TXLNB: variants seen among roughly 807,000 people sequenced by gnomAD.
The protein encoded by TXLNB is taxilin beta.
Under a neutral mutation model 57.4 loss-of-function variants are expected in TXLNB, and 37 were observed. The observed-to-expected ratio is 0.64, with a 90% CI of 0.50 to 0.85. TXLNB has a LOEUF of 0.85. Among genes scored for constraint, TXLNB ranks in the 40% least tolerant of loss-of-function variants. The probability of loss-of-function intolerance (pLI) is 0.00; values close to 1 mark genes in which losing one functional copy is unlikely to be tolerated. For missense variants in TXLNB, 848 were observed against 825.6 expected, an observed-to-expected ratio of 1.03 and a Z score of -0.33; for synonymous variants, 302 against 309.6, an observed-to-expected ratio of 0.98 and a Z score of 0.26.
the TXLNB span, among the ~76,000 whole-genome samples, chr6:139,317,402 T>G: frequency 3.1e-5 from 4 of 131,138 alleles, no homozygotes; most frequent in East Asian, 2.0e-4. Context: ...AGACAGAGGT[T>G]TTTTTTTTTT....
At chr6:139,227,361 A>C in the TXLNB span, among the ~76,000 whole-genome samples, 4,239 of 152,122 alleles carry the variant, frequency 0.028, 159 homozygotes, top group African/African-American at 0.087. Flanking sequence ...AACAAACAAA[A>C]AAAAAAACGA....
the TXLNB span, among the ~76,000 whole-genome samples, chr6:139,201,507 A>G: frequency 6.6e-6 from 1 of 152,142 alleles, no homozygotes; most frequent in Non-Finnish European, 1.5e-5. Flanking sequence ...TTCCTGCTCA[A>G]GCTACCTTAC....
At chr6:139,316,511 C>T in the TXLNB span, among the ~76,000 whole-genome samples, 1 of 152,064 alleles carries the variant, frequency 6.6e-6, no homozygotes, top group African/African-American at 2.4e-5. Context: ...TATAAATTCC[C>T]ACTTGCCCAG....
intron 1 of TXLNB, among the ~76,000 whole-genome samples, chr6:139,291,207 G>A (rs556091538): frequency 4.6e-5 from 7 of 152,258 alleles, no homozygotes; most frequent in Middle Eastern, 3.4e-3. Context: ...GAGTCATGCC[G>A]TTTAGCACTT....
chr6:139,261,616 C>T (rs1406908870), intron 5 of TXLNB, among the ~76,000 whole-genome samples: 1 of 151,954 alleles, frequency 6.6e-6, no homozygotes, highest in East Asian at 1.9e-4. Context: ...CCTTGATCAT[C>T]CCCCTAATAT....
chr6:139,163,851 C>T, the TXLNB span, among the ~76,000 whole-genome samples: 1 of 152,110 alleles, frequency 6.6e-6, no homozygotes, highest in African/African-American at 2.4e-5. Flanking sequence ...GGGATTTGAC[C>T]TTCATCTGTG....
At chr6:139,237,976 T>G (rs1159635416), downstream of TXLNB, among the ~76,000 whole-genome samples, 1 of 152,216 alleles carries the variant, frequency 6.6e-6, no homozygotes, top group Non-Finnish European at 1.5e-5. Flanking sequence ...GTGCCATAGA[T>G]CAATGAATTT....
At position 139,242,667 on chromosome 6, in the gene TXLNB, T is replaced by TTCTGCTGCGCATGCTGGAGCAGGCACA; in HGVS notation, c.1887_1913dup (p.Asp629_Ala637dup). ...CAGGCACCATGGCTGCAACGTGCTC[T>TTCTGCTGCGCATGCTGGAGCAGGCACA]TCTGCTGCGCATGCTGGAGCAGGCA... On this transcript the variant is annotated inframe_insertion, in exon 10 of 10. Transcript: ENST00000358430. 3.1e-6 allele frequency: 5 copies of TTCTGCTGCGCATGCTGGAGCAGGCACA among 1,611,230 alleles called. No homozygotes were observed. The South Asian group carries it at 5.5e-5, about 18-fold the overall frequency.
At chr6:139,231,251 T>C in the TXLNB span, among the ~76,000 whole-genome samples, 1 of 152,142 alleles carries the variant, frequency 6.6e-6, no homozygotes. Context: ...GAGTTTTCCT[T>C]CTTGTTTTTT....
At chr6:139,207,943 G>T in the TXLNB span, among the ~76,000 whole-genome samples, 2 of 152,130 alleles carry the variant, frequency 1.3e-5, no homozygotes, top group Non-Finnish European at 2.9e-5. Flanking sequence ...GGGCATGGTG[G>T]TGCGCACCTA....
At chr6:139,278,990 G>A (rs9495409) in intron 2 of TXLNB, among the ~76,000 whole-genome samples, 30,676 of 151,958 alleles carry the variant, frequency 0.2, 3,681 homozygotes, top group African/African-American at 0.33. Flanking sequence ...AAAAACAAAC[G>A]AACAAATAAA....
At chr6:139,267,604 T>C (rs1776646480) in intron 4 of TXLNB, among the ~76,000 whole-genome samples, 8 of 152,060 alleles carry the variant, frequency 5.3e-5, no homozygotes, top group Admixed American at 5.2e-4. Flanking sequence ...TAATAAATAA[T>C]AAAATGGTAG....
At chr6:139,214,366 A>G in the TXLNB span, among the ~76,000 whole-genome samples, 1 of 152,238 alleles carries the variant, frequency 6.6e-6, no homozygotes, top group African/African-American at 2.4e-5. Flanking sequence ...AAACAGAACC[A>G]AAGACAAAAA....
At chr6:139,278,418 C>G (rs1444940303) in intron 2 of TXLNB, among the ~76,000 whole-genome samples, 1 of 152,152 alleles carries the variant, frequency 6.6e-6, no homozygotes, top group East Asian at 1.9e-4. Flanking sequence ...TAGGGTCCCT[C>G]CCAGCTCTCC....
intron 6 of TXLNB, 110 bp downstream of exon 6, chr6:139,260,208 A>G: frequency 7.7e-7 from 1 of 1,295,546 alleles, no homozygotes; most frequent in Non-Finnish European, 1.0e-6. Flanking sequence ...TGACAGAACG[A>G]GACTCTGTCT....
At chr6:139,184,452 C>T in the TXLNB span, among the ~76,000 whole-genome samples, 1 of 152,194 alleles carries the variant, frequency 6.6e-6, no homozygotes, top group South Asian at 2.1e-4. Flanking sequence ...AGAAAAAGAA[C>T]ACTTTCTCAA....
At chr6:139,288,350 G>A (rs1777224189) in intron 2 of TXLNB, 126 bp downstream of exon 2, 2 of 935,472 alleles carry the variant, frequency 2.1e-6, no homozygotes, top group Non-Finnish European at 1.6e-6. Flanking sequence ...ATACAACAAG[G>A]GAAAATATAG....
At chr6:139,299,991 A>T in the TXLNB span, among the ~76,000 whole-genome samples, 5 of 152,136 alleles carry the variant, frequency 3.3e-5, no homozygotes, top group Non-Finnish European at 7.4e-5. Context: ...TAACTAACTA[A>T]CTATAAGGTT....
At chr6:139,190,305 CTTTCTTTTT>C in the TXLNB span, among the ~76,000 whole-genome samples, 1 of 108,914 alleles carries the variant, frequency 9.2e-6, no homozygotes, top group South Asian at 2.8e-4. Flanking sequence ...TTCTTTCTTT[CTTTCTTTTT>C]TTTTTTTTTT....
Sources: allele counts gnomAD v4.1 joint callset (sites outside exome capture counted in the v4.1 genomes callset), GRCh38; gene constraint gnomAD v4.1.1; transcripts MANE v1.5; gene names NCBI Gene and HGNC (gene_info 2026-07-23, HGNC 2026-07-21).